The following TMEM266 variants were observed in gnomAD, a reference collection of about 807,000 sequenced individuals.
TMEM266 encodes Hv1 related protein 1.
TMEM266 carries 33 observed loss-of-function variants against 50.5 expected under a neutral mutation model. The ratio of observed to expected loss-of-function variants is 0.65; its 90% confidence interval spans 0.50 to 0.87. The LOEUF is 0.87. Among genes scored for constraint, TMEM266 ranks in the 40% least tolerant of loss-of-function variants. The pLI is 0.00. For missense variants in TMEM266, 655 were observed against 695.1 expected, an observed-to-expected ratio of 0.94 and a Z score of 0.65; for synonymous variants, 310 against 292.3, an observed-to-expected ratio of 1.06 and a Z score of -0.62.
intron 9 of TMEM266, among the ~76,000 whole-genome samples, chr15:76,194,856 G>A (rs975822848): frequency 6.6e-6 from 1 of 152,124 alleles, no homozygotes; most frequent in African/African-American, 2.4e-5. Flanking sequence ...TTCCAAGTAA[G>A]ACCACATTCT....
chr15:76,166,243 A>G (rs1277291821), intron 5 of TMEM266, among the ~76,000 whole-genome samples: 4 of 151,996 alleles, frequency 2.6e-5, no homozygotes, highest in African/African-American at 7.3e-5. Context: ...CGGGGGGGAA[A>G]AGCCAGCAGG....
At chr15:76,092,083 T>C (rs958323874) in intron 1 of TMEM266, among the ~76,000 whole-genome samples, 7 of 152,076 alleles carry the variant, frequency 4.6e-5, no homozygotes, top group African/African-American at 1.4e-4. Context: ...TGTTGAGCGA[T>C]ATGATAGAGT....
At chr15:76,200,472 C>T (rs1039529034) in intron 9 of TMEM266, among the ~76,000 whole-genome samples, 1 of 152,216 alleles carries the variant, frequency 6.6e-6, no homozygotes, top group Non-Finnish European at 1.5e-5. Flanking sequence ...AAGGACAACT[C>T]AGCATCTGGG....
chr15:76,091,251 GA>G (rs1470348007), intron 1 of TMEM266, among the ~76,000 whole-genome samples: 1 of 151,986 alleles, frequency 6.6e-6, no homozygotes, highest in African/African-American at 2.4e-5. Context: ...TAATTTTACT[GA>G]AAAAAATTAC....
rs750282738 is a variant in TMEM266 at position 76,199,288 on chromosome 15, G to A, written c.959-2914G>A. On this transcript the variant is annotated intron_variant, in intron 9 of 10. Transcript: ENST00000388942. ...AGCCAGGAGTTGTCCGGGGACGGTC[G>A]GCCAGACCAGTCCGAAGCTCAGGAG... Among the ~76,000 whole-genome samples, 13 of 152,210 alleles carry A rather than the reference G, an allele frequency of 8.5e-5. 1 individual carries two copies. The highest frequency in any genetic ancestry group is 1.9e-4 in the East Asian group (1 of 5,190).
At chr15:76,198,768 A>G (rs1186741987) in intron 9 of TMEM266, among the ~76,000 whole-genome samples, 1 of 130,392 alleles carries the variant, frequency 7.7e-6, no homozygotes, top group Admixed American at 8.1e-5. Context: ...CCGCAGCCCA[A>G]GTGTTCAGTT....
intron 3 of TMEM266, among the ~76,000 whole-genome samples, chr15:76,144,717 C>T (rs1212720378): frequency 6.6e-6 from 1 of 152,194 alleles, no homozygotes; most frequent in African/African-American, 2.4e-5. Flanking sequence ...GCCTCTACCC[C>T]ATCCCCAACC....
At chr15:76,108,197 C>T (rs574440141) in intron 1 of TMEM266, among the ~76,000 whole-genome samples, 3 of 152,334 alleles carry the variant, frequency 2.0e-5, no homozygotes, top group East Asian at 1.9e-4. Context: ...GAGGGCAGCA[C>T]GAATCTCCGA....
chr15:76,167,491 ATAT>A (rs1437220426), intron 5 of TMEM266, among the ~76,000 whole-genome samples: 2 of 148,966 alleles, frequency 1.3e-5, no homozygotes, highest in Non-Finnish European at 3.0e-5. Context: ...AAAAGAAACC[ATAT>A]TATTATGTGG....
At chr15:76,080,104 C>T (rs949241025) in intron 1 of TMEM266, among the ~76,000 whole-genome samples, 10 of 151,124 alleles carry the variant, frequency 6.6e-5, no homozygotes, top group African/African-American at 1.2e-4. Context: ...TGGTTGCTCA[C>T]GCTTGTAGTC....
chr15:76,064,407 T>G (rs1429515548), intron 1 of TMEM266, among the ~76,000 whole-genome samples: 1 of 152,202 alleles, frequency 6.6e-6, no homozygotes, highest in Non-Finnish European at 1.5e-5. Context: ...CTTTCATTCA[T>G]CTATTGTTTG....
intron 1 of TMEM266, among the ~76,000 whole-genome samples, chr15:76,119,314 G>T (rs1305080512): frequency 2.7e-5 from 4 of 150,014 alleles, no homozygotes; most frequent in Non-Finnish European, 5.9e-5. Flanking sequence ...GTTGGGAGGG[G>T]AAGGACACAC....
Position 76,169,866 on chromosome 15 carries a change from A to C in TMEM266, c.507A>C (p.Lys169Asn). 1.2e-6 allele frequency: 2 copies of C among 1,613,508 alleles called. No homozygotes were observed. The highest frequency in any genetic ancestry group is 8.5e-7 in the Non-Finnish European group (1 of 1,179,668). The change falls in exon 6 of 11, where the codon AAA (lysine) becomes AAC (asparagine). Residue 169 changes from lysine (K) to asparagine (N), a missense_variant. Lys to Asn is a moderately conservative substitution (Grantham distance 94). Around this residue, in one of 3 missense-constraint regions of TMEM266, gnomAD observed 101 missense variants for 182.6 expected, o/e 0.55. Coordinates refer to ENST00000388942, the MANE Select transcript of TMEM266 (RefSeq NM_152335.3). ...GGATCTGGGATTACATCGAAAACAA[A>C]ATAGAGGTAAAGACCAATGTCCACC...
chr15:76,202,380 C>A, intron 10 of TMEM266, 116 bp downstream of exon 10: 1 of 885,510 alleles, frequency 1.1e-6, no homozygotes, highest in Non-Finnish European at 1.7e-6. Context: ...TGAACCATAA[C>A]TGCAGGCAGT....
At position 76,204,414 on chromosome 15, in the gene TMEM266, C is replaced by T; in HGVS notation, c.*99C>T. 8.3e-7 allele frequency: 1 copy of T among 1,210,522 alleles called. No homozygotes were observed. The highest frequency in any genetic ancestry group is 1.1e-6 in the Non-Finnish European group (1 of 871,240). 75.0% of individuals were successfully genotyped at this position (1,210,522 alleles called of 1,614,324 possible). On this transcript the variant is annotated 3_prime_UTR_variant, in exon 11 of 11. Transcript: ENST00000388942. The stretch of plus-strand genomic sequence containing the variant: ...AGGGCCACACGCGGGGCCCAGGAGC[C>T]CACCTGGCCTCCCTCAGGGTGCTGC...
intron 1 of TMEM266, among the ~76,000 whole-genome samples, chr15:76,064,970 C>A (rs979662214): frequency 1.3e-5 from 2 of 152,168 alleles, no homozygotes; most frequent in Non-Finnish European, 2.9e-5. Flanking sequence ...ATGCATAAGG[C>A]CAATTAACCT....
intron 1 of TMEM266, among the ~76,000 whole-genome samples, chr15:76,115,202 T>G (rs984583900): frequency 6.6e-6 from 1 of 152,170 alleles, no homozygotes; most frequent in African/African-American, 2.4e-5. Flanking sequence ...CTCCCTAATT[T>G]TAACTGCTGC....
In TMEM266 at chr15:76,156,529, A is replaced by G. The variant is rs2037929326; in HGVS notation, c.228-75A>G. 6 of 1,512,464 alleles carry G rather than the reference A, an allele frequency of 4.0e-6. No individual in the cohort carries two copies. The Admixed American group carries it at 9.2e-5, about 23-fold the overall frequency. 93.7% of individuals were successfully genotyped at this position (1,512,464 alleles called of 1,614,324 possible). A position where few individuals can be genotyped will look rare whatever the true frequency, so the allele number is the denominator to read the frequency against. On this transcript the variant is annotated intron_variant, in intron 3 of 10. Transcript: ENST00000388942. ...GAGTGACGCTGGTGGGTTTGAGAGC[A>G]GGGCTTTGGCCGGGGTCCACCCTCT... is the stretch of plus-strand genomic sequence containing the variant.
chr15:76,082,607 A>G (rs1007039860), intron 1 of TMEM266, among the ~76,000 whole-genome samples: 31 of 149,814 alleles, frequency 2.1e-4, no homozygotes, highest in African/African-American at 7.4e-4. Flanking sequence ...TCATGGCAGA[A>G]GGTGAAGGGG....
Sources: gnomAD v4.1 joint callset for allele counts (sites outside exome capture counted in the v4.1 genomes callset) on GRCh38, gnomAD v4.1.1 for gene constraint, gnomAD v4.1.1 regional missense constraint, MANE v1.5 for transcripts, NCBI Gene and HGNC (gene_info 2026-07-23, HGNC 2026-07-21) for gene names.